The following CSNK1G1 variants were observed in gnomAD, a reference collection of about 807,000 sequenced individuals.
The protein encoded by CSNK1G1 is casein kinase 1 gamma 1.
A neutral mutation model predicts 59.6 loss-of-function variants in CSNK1G1; 22 were observed. The observed-to-expected ratio is 0.37, with a 90% CI of 0.26 to 0.53. The LOEUF is 0.53. Ranked by LOEUF, CSNK1G1 falls within the 20% of genes least tolerant of loss-of-function variation. The probability of loss-of-function intolerance (pLI) is 0.89; values close to 1 mark genes in which losing one functional copy is unlikely to be tolerated. For missense variants in CSNK1G1, 384 were observed against 519.5 expected, an observed-to-expected ratio of 0.74 and a Z score of 2.54; for synonymous variants, 179 against 177.1, an observed-to-expected ratio of 1.01 and a Z score of -0.08.
At chr15:64,229,944 CAG>C (rs2082523438) in intron 4 of CSNK1G1, among the ~76,000 whole-genome samples, 1 of 25,464 alleles carries the variant, frequency 3.9e-5, no homozygotes, top group Non-Finnish European at 9.2e-5. Context: ...TTTTTTAAGA[CAG>C]AATCTCACTC....
At chr15:64,256,222 C>A (rs896105673) in intron 3 of CSNK1G1, among the ~76,000 whole-genome samples, 15 of 152,216 alleles carry the variant, frequency 9.9e-5, no homozygotes, top group Admixed American at 9.2e-4. Context: ...AGGGACTATT[C>A]TTTCCAGAGA....
chr15:64,334,464 T>A (rs1897271877), intron 1 of CSNK1G1, among the ~76,000 whole-genome samples: 1 of 152,202 alleles, frequency 6.6e-6, no homozygotes, highest in African/African-American at 2.4e-5. Context: ...TGCACTTAAT[T>A]TCCATTATTA....
At position 64,283,954 on chromosome 15, in the gene CSNK1G1, A is replaced by AT. The variant is rs1596217954; in HGVS notation, c.181+16364_181+16365insA. On this transcript the variant is annotated intron_variant, in intron 2 of 11. Transcript: ENST00000303052. ...CATCCTTATGTTTGTTTTTTTTAAG[A>AT]CTTTTATAGTTTTGACTCTTACATT... Among the ~76,000 whole-genome samples, 3 of 151,930 alleles carry AT rather than the reference A, an allele frequency of 2.0e-5. No homozygotes were observed. In the East Asian group the frequency reaches 5.8e-4, roughly 29 times the overall value.
intron 2 of CSNK1G1, among the ~76,000 whole-genome samples, chr15:64,277,760 G>T (rs5024169): frequency 0.52 from 34,692 of 67,182 alleles, 9,967 homozygotes; most frequent in South Asian, 0.77. Flanking sequence ...TAATAATATA[G>T]CAATATTGAT....
intron 4 of CSNK1G1, among the ~76,000 whole-genome samples, chr15:64,233,975 T>C (rs1390984852): frequency 6.6e-6 from 1 of 152,154 alleles, no homozygotes; most frequent in Non-Finnish European, 1.5e-5. Context: ...TTCCTGACAA[T>C]GCAGGTAGAT....
intron 3 of CSNK1G1, among the ~76,000 whole-genome samples, chr15:64,256,396 T>C (rs921155781): frequency 6.6e-6 from 1 of 152,124 alleles, no homozygotes; most frequent in Non-Finnish European, 1.5e-5. Flanking sequence ...CAAAACTCCA[T>C]AGAGTTCAAG....
At chr15:64,184,054 A>G (rs1394150579) in intron 10 of CSNK1G1, among the ~76,000 whole-genome samples, 1 of 152,106 alleles carries the variant, frequency 6.6e-6, no homozygotes, top group Non-Finnish European at 1.5e-5. Flanking sequence ...CTGTAATCCC[A>G]GCATTTTGGG....
chr15:64,265,901 A>G (rs775285533), intron 2 of CSNK1G1: 2 of 444,920 alleles, frequency 4.5e-6, no homozygotes, highest in South Asian at 3.2e-5. Flanking sequence ...TAAGCAACAT[A>G]TGAGACACTG....
intron 1 of CSNK1G1, among the ~76,000 whole-genome samples, chr15:64,320,996 A>G (rs1361200383): frequency 6.6e-6 from 1 of 151,960 alleles, no homozygotes; most frequent in Non-Finnish European, 1.5e-5. Context: ...TATCTTTTTC[A>G]CCCTACAATA....
chr15:64,261,528 G>C (rs1353673663), intron 2 of CSNK1G1, among the ~76,000 whole-genome samples: 2 of 151,968 alleles, frequency 1.3e-5, no homozygotes, highest in East Asian at 3.9e-4. Context: ...TTGAACCTGG[G>C]AGGCAGAGGT....
intron 4 of CSNK1G1, among the ~76,000 whole-genome samples, chr15:64,236,085 G>C (rs557127754): frequency 8.1e-4 from 119 of 147,224 alleles, no homozygotes; most frequent in African/African-American, 2.7e-3. Context: ...AGAGATGGCA[G>C]TGAGCTGAGA....
At position 64,259,227 on chromosome 15, in the gene CSNK1G1, T is replaced by C; in HGVS notation, c.196A>G (p.Thr66Ala). The C allele has an allele frequency of 3.1e-6, 5 of 1,596,936 alleles. No homozygotes were observed. The highest frequency in any genetic ancestry group is 2.6e-6 in the Non-Finnish European group (3 of 1,170,964). The change falls in exon 3 of 12, where the codon ACC becomes GCC. Residue 66 changes from threonine to alanine, a missense_variant. Physicochemically the swap from Thr to Ala is moderately conservative, Grantham distance 58. This residue lies in a region of CSNK1G1 where 325 missense variants were observed against 440.9 expected (regional missense o/e 0.74). Transcript: ENST00000303052. ...GELRLGKNLY[T>A]NEYVAIKLEP... ...AGTTTGATTGCTACATATTCATTGG[T>C]GTAGAGATTTTTACCTAAGAGGAAA...
chr15:64,279,032 A>C (rs1169416700), intron 2 of CSNK1G1, among the ~76,000 whole-genome samples: 1 of 152,254 alleles, frequency 6.6e-6, no homozygotes, highest in Non-Finnish European at 1.5e-5. Flanking sequence ...AAGATCACTG[A>C]CATACACTGT....
At chr15:64,181,104 T>G in intron 10 of CSNK1G1, 3 of 1,413,204 alleles carry the variant, frequency 2.1e-6, no homozygotes, top group Non-Finnish European at 2.8e-6. Context: ...GGTTCGAAGT[T>G]ACAAATAACA....
intron 10 of CSNK1G1, chr15:64,189,442 G>A (rs765625416): frequency 7.7e-7 from 1 of 1,291,788 alleles, no homozygotes; most frequent in East Asian, 5.3e-5. Flanking sequence ...TGGCTGAGTT[G>A]TTAACATCAT....
In CSNK1G1 at chr15:64,213,919, T is replaced by C; in HGVS notation, c.650A>G (p.Tyr217Cys). 1 of 1,613,998 alleles carries C rather than the reference T, an allele frequency of 6.2e-7. No individual in the cohort carries two copies. The highest frequency in any genetic ancestry group is 1.7e-5 in the Admixed American group (1 of 60,030). ...EHKSLTGTAR[Y>C]MSINTHLGKE... ...GCCAAGATGCGTGTTGATAGACATATATCTTGCAGTTCCAGTTAAACTTTT... is the reference window on the plus strand; with the variant it reads ...GCCAAGATGCGTGTTGATAGACATACATCTTGCAGTTCCAGTTAAACTTTT... Residue 217 changes from tyrosine to cysteine, a missense_variant, in exon 6 of 12, where the codon TAT becomes TGT. Tyr to Cys is a radical substitution (Grantham distance 194). Coordinates refer to ENST00000303052, the MANE Select transcript of CSNK1G1 (RefSeq NM_022048.5).
rs1358040318 is a variant in CSNK1G1, at chr15:64,277,751, A to G, written c.182-18510T>C. Among the ~76,000 whole-genome samples the G allele has an allele frequency of 7.1e-4, 43 of 60,540 alleles. 3 individuals carry two copies. The highest frequency in any genetic ancestry group is 2.3e-3 in the African/African-American group (40 of 17,496). 39.7% of individuals were successfully genotyped at this position (60,540 alleles called of 152,430 possible). On this transcript the variant is annotated intron_variant, in intron 2 of 11. Transcript: ENST00000303052. ...ATAATATATTAATATTGATATATTT[A>G]ATAATATAGCAATATTGATATATTT... is the stretch of plus-strand genomic sequence containing the variant.
chr15:64,332,556 G>T (rs1262239942), intron 1 of CSNK1G1, among the ~76,000 whole-genome samples: 2 of 141,814 alleles, frequency 1.4e-5, no homozygotes, highest in South Asian at 4.6e-4. Flanking sequence ...GATAGCATTG[G>T]GAGATATACC....
intron 10 of CSNK1G1, among the ~76,000 whole-genome samples, chr15:64,187,011 C>T (rs1286064603): frequency 3.3e-5 from 5 of 151,500 alleles, no homozygotes; most frequent in African/African-American, 1.2e-4. Context: ...TTAGTAGAGA[C>T]GGGGTTTCAC....
Sources: allele counts gnomAD v4.1 joint callset (sites outside exome capture counted in the v4.1 genomes callset), GRCh38; gene constraint gnomAD v4.1.1; regional missense constraint gnomAD v4.1.1; transcripts MANE v1.5; gene names NCBI Gene and HGNC (gene_info 2026-07-23, HGNC 2026-07-21).